SNX29: variants seen among roughly 807,000 people sequenced by gnomAD.
SNX29 encodes the protein sorting nexin 29.
Under a neutral mutation model 102.1 loss-of-function variants are expected in SNX29, and 78 were observed. That is an observed-to-expected ratio of 0.76 (90% CI 0.64 to 0.92). The LOEUF (loss-of-function observed/expected upper bound fraction) is 0.92, where lower values mean the gene tolerates loss of function less well. Among genes scored for constraint, SNX29 ranks in the 40% least tolerant of loss-of-function variants. The pLI, the probability that SNX29 is intolerant of heterozygous loss-of-function variation, is 0.00. For missense variants in SNX29, 1,280 were observed against 1,061.7 expected (o/e 1.21, Z -2.86); for synonymous variants, 580 against 414.5 (o/e 1.40, Z -4.85).
At chr16:12,012,913 G>A (rs1006529056) in intron 3 of SNX29, among the ~76,000 whole-genome samples, 5 of 151,628 alleles carry the variant, frequency 3.3e-5, no homozygotes, top group African/African-American at 9.7e-5. Context: ...TACCTACAGC[G>A]TAGTATGGTA....
At chr16:12,554,049 A>G (rs529730010) in intron 20 of SNX29, among the ~76,000 whole-genome samples, 1 of 152,264 alleles carries the variant, frequency 6.6e-6, no homozygotes, top group Admixed American at 6.5e-5. Context: ...TGGTCTGTAA[A>G]TCCTGACCTC....
chr16:12,330,412 A>T (rs1280425674), intron 15 of SNX29, among the ~76,000 whole-genome samples: 1 of 152,292 alleles, frequency 6.6e-6, no homozygotes, highest in East Asian at 1.9e-4. Context: ...GGTTGCAGTG[A>T]GCTGAGATCA....
chr16:12,387,925 G>C (rs1193665900), intron 16 of SNX29, among the ~76,000 whole-genome samples: 1 of 152,194 alleles, frequency 6.6e-6, no homozygotes, highest in African/African-American at 2.4e-5. Flanking sequence ...AAACATTCCA[G>C]AGTTGTTTTG....
intron 1 of SNX29, among the ~76,000 whole-genome samples, chr16:11,982,913 TA>T (rs869138613): frequency 6.6e-5 from 10 of 152,260 alleles, no homozygotes; most frequent in East Asian, 5.8e-4. Flanking sequence ...AGCTTTTTAT[TA>T]AAAAAAATTT....
chr16:12,532,829 G>C (rs1333743752), intron 20 of SNX29, among the ~76,000 whole-genome samples: 1 of 152,198 alleles, frequency 6.6e-6, no homozygotes, highest in Non-Finnish European at 1.5e-5. Context: ...GGTCAGCCTA[G>C]CGAGGGGAGC....
chr16:12,534,800 G>T (rs377726608), intron 20 of SNX29, among the ~76,000 whole-genome samples: 1 of 152,226 alleles, frequency 6.6e-6, no homozygotes, highest in South Asian at 2.1e-4. Context: ...GGGCAATTTT[G>T]CCTTACTCCC....
chr16:12,530,971 C>A (rs921662679), intron 20 of SNX29, among the ~76,000 whole-genome samples: 4 of 152,214 alleles, frequency 2.6e-5, no homozygotes, highest in Non-Finnish European at 1.5e-5. Context: ...TAAGAGGTTT[C>A]CAGATTTTTC....
At chr16:12,141,596 C>T (rs766797608) in intron 13 of SNX29, among the ~76,000 whole-genome samples, 5 of 152,170 alleles carry the variant, frequency 3.3e-5, no homozygotes, top group Admixed American at 6.5e-5. Flanking sequence ...TTTCCAGGCT[C>T]GGGGCAGGAT....
intron 3 of SNX29, 59 bp from the exon 4 acceptor site, chr16:12,027,261 C>T (rs2151117114): frequency 6.9e-6 from 11 of 1,600,824 alleles, no homozygotes; most frequent in South Asian, 5.5e-5. Flanking sequence ...GATGCTGGGG[C>T]CGCCCTAGTT....
intron 18 of SNX29, among the ~76,000 whole-genome samples, chr16:12,450,099 A>C (rs914203051): frequency 1.3e-5 from 2 of 152,172 alleles, no homozygotes; most frequent in Non-Finnish European, 1.5e-5. Flanking sequence ...GCCACCATGT[A>C]AGAGGTGGCT....
At chr16:12,541,956 G>A (rs184656057) in intron 20 of SNX29, among the ~76,000 whole-genome samples, 1 of 152,322 alleles carries the variant, frequency 6.6e-6, no homozygotes, top group Admixed American at 6.5e-5. Flanking sequence ...AGAGGACGCT[G>A]GATCCACTTC....
At chr16:12,067,889 G>A (rs768721943) in intron 9 of SNX29, among the ~76,000 whole-genome samples, 2 of 152,226 alleles carry the variant, frequency 1.3e-5, no homozygotes, top group Admixed American at 1.3e-4. Context: ...CCTGGAAGGA[G>A]ACTTGAGCAT....
chr16:12,112,081 G>C (rs2053523676), intron 11 of SNX29, among the ~76,000 whole-genome samples: 1 of 152,230 alleles, frequency 6.6e-6, no homozygotes, highest in African/African-American at 2.4e-5. Flanking sequence ...CCAAAGCTAT[G>C]TGACTGCTGA....
intron 13 of SNX29, among the ~76,000 whole-genome samples, chr16:12,189,001 G>A (rs1034707893): frequency 3.3e-5 from 5 of 152,196 alleles, no homozygotes; most frequent in Admixed American, 3.3e-4. Context: ...CACATGGCAG[G>A]GAGTGGCTCC....
chr16:12,056,024 G>A (rs1053946572), intron 8 of SNX29, among the ~76,000 whole-genome samples: 1 of 152,120 alleles, frequency 6.6e-6, no homozygotes, highest in Non-Finnish European at 1.5e-5. Flanking sequence ...TGGGACTACA[G>A]GAGTGTGCCA....
chr16:12,357,520 T>C (rs1447853462), intron 16 of SNX29, among the ~76,000 whole-genome samples: 1 of 152,210 alleles, frequency 6.6e-6, no homozygotes, highest in Non-Finnish European at 1.5e-5. Context: ...TCCTTTAAAT[T>C]TTAAAAATTA....
intron 18 of SNX29, among the ~76,000 whole-genome samples, chr16:12,415,976 G>A (rs2084619711): frequency 6.6e-6 from 1 of 152,164 alleles, no homozygotes; most frequent in African/African-American, 2.4e-5. Context: ...TTGTTGGAGT[G>A]GGGGCCGTCT....
intron 18 of SNX29, among the ~76,000 whole-genome samples, chr16:12,447,368 C>T (rs993787823): frequency 2.6e-5 from 4 of 151,904 alleles, no homozygotes; most frequent in Non-Finnish European, 5.9e-5. Context: ...TTGTTGTTAG[C>T]GGAATTCTAA....
At position 12,568,994 on chromosome 16, in the gene SNX29, C is replaced by T. The variant is rs962269736; in HGVS notation, c.*365C>T. 1.3e-5 allele frequency: 4 copies of T among 312,842 alleles called. No homozygotes were observed. The highest frequency in any genetic ancestry group is 2.4e-5 in the Non-Finnish European group (4 of 169,374). The allele number at this position is 312,842 out of a possible 1,614,324, so 19.4% of individuals were successfully genotyped here. On this transcript the variant is annotated 3_prime_UTR_variant, in exon 21 of 21. Transcript: ENST00000566228. Reference sequence around the variant, plus strand: ...ATGGTTGAGAGGCAAAGGTGATCCCCTATATAGGAAGGTTCATGCAGAGCC... The same window carrying T: ...ATGGTTGAGAGGCAAAGGTGATCCCTTATATAGGAAGGTTCATGCAGAGCC...
Sources: gnomAD v4.1 joint callset for allele counts (sites outside exome capture counted in the v4.1 genomes callset) on GRCh38, gnomAD v4.1.1 for gene constraint, MANE v1.5 for transcripts, NCBI Gene and HGNC (gene_info 2026-07-23, HGNC 2026-07-21) for gene names.